The following ABHD12 variants were observed in gnomAD, a reference collection of about 807,000 sequenced individuals.
ABHD12 encodes the protein abhydrolase domain containing 12, lysophospholipase, also known as lysophosphatidylserine lipase ABHD12.
In ABHD12, 43 loss-of-function variants were observed where a neutral mutation model predicts 58.3. That is an observed-to-expected ratio of 0.74 (90% CI 0.58 to 0.95). ABHD12 has a LOEUF of 0.95. Ranked by LOEUF, ABHD12 falls within the 40% of genes least tolerant of loss-of-function variation. ABHD12 has a pLI of 0.00. For missense variants in ABHD12, 539 were observed against 537.2 expected (o/e 1.00, Z -0.03); for synonymous variants, 219 against 211.2 (o/e 1.04, Z -0.32).
downstream of ABHD12, among the ~76,000 whole-genome samples, chr20:25,298,167 G>A (rs556028033): frequency 5.9e-5 from 9 of 152,346 alleles, 1 homozygote; most frequent in South Asian, 4.2e-4. Context: ...AACTAGAGCC[G>A]GGGCTGAATT....
exon 13 of ABHD12, chr20:25,294,969 T>A: frequency 6.2e-7 from 1 of 1,614,202 alleles, no homozygotes; most frequent in Non-Finnish European, 8.5e-7. Context: ...CCTGTTGGCT[T>A]CAGTCACACC....
rs1260560082 is a variant in ABHD12 at position 25,390,490 on chromosome 20, CCCCGCT to C, written c.191+17_191+22del. 1.5e-6 allele frequency: 2 copies of C among 1,339,566 alleles called. No homozygotes were observed. The highest frequency in any genetic ancestry group is 3.0e-5 in the South Asian group (2 of 67,142). The allele number at this position is 1,339,566 out of a possible 1,614,324, so 83.0% of individuals were successfully genotyped here. On this transcript the variant is annotated intron_variant, in intron 1 of 12. Transcript: ENST00000339157. ...AGTGAGGGACCGGCCCCCCCCCCCC[CCCCGCT>C]CCGCGCGAAGCCTCACCTGCCCAGC...
Position 25,338,741 on chromosome 20 carries a change from G to A in ABHD12, c.316+486C>T, listed in dbSNP as rs937045007. 3 of 973,078 alleles carry A rather than the reference G, an allele frequency of 3.1e-6. No homozygotes were observed. The African/African-American group carries it at 5.3e-5, about 17-fold the overall frequency. 60.3% of individuals were successfully genotyped at this position (973,078 alleles called of 1,614,324 possible). The stretch of plus-strand genomic sequence containing the variant: ...CTAATTTGTTTTAAAAAAGAAAAAA[G>A]GCCTCATTTTTTTTTAAAGGTACTA... On this transcript the variant is annotated intron_variant, in intron 2 of 12. Coordinates refer to ENST00000339157, the MANE Select transcript of ABHD12 (RefSeq NM_001042472.3).
chr20:25,348,499 T>C (rs1362135697), intron 1 of ABHD12, among the ~76,000 whole-genome samples: 3 of 146,506 alleles, frequency 2.0e-5, no homozygotes. Context: ...CTTGAGCCTG[T>C]GGTCCCAGCT....
intron 11 of ABHD12, chr20:25,303,152 G>A (rs2088668692): frequency 1.0e-6 from 1 of 992,222 alleles, no homozygotes; most frequent in Non-Finnish European, 1.3e-6. Context: ...ATGGGCTTGG[G>A]AGATCCTCAT....
chr20:25,353,900 A>G (rs930562739), intron 1 of ABHD12, among the ~76,000 whole-genome samples: 9 of 152,080 alleles, frequency 5.9e-5, no homozygotes, highest in African/African-American at 2.2e-4. Context: ...CTGCGTGATC[A>G]CTAACGTGCC....
chr20:25,373,035 A>G (rs575256630), intron 1 of ABHD12, among the ~76,000 whole-genome samples: 2 of 152,328 alleles, frequency 1.3e-5, no homozygotes, highest in African/African-American at 2.4e-5. Context: ...AGGACTCAGT[A>G]CAGTATCATG....
At chr20:25,381,693 C>G (rs1184141838) in intron 1 of ABHD12, among the ~76,000 whole-genome samples, 2 of 150,616 alleles carry the variant, frequency 1.3e-5, no homozygotes, top group African/African-American at 4.9e-5. Context: ...AGCTGGAGTG[C>G]AGTGGTGCAA....
chr20:25,383,024 C>G (rs2090041021), intron 1 of ABHD12, among the ~76,000 whole-genome samples: 1 of 152,062 alleles, frequency 6.6e-6, no homozygotes, highest in Non-Finnish European at 1.5e-5. Context: ...GAGGGTGGAG[C>G]AAAAGGAAAA....
intron 12 of ABHD12, 114 bp from the exon 13 acceptor site, chr20:25,300,998 A>C: frequency 8.9e-7 from 1 of 1,123,022 alleles, no homozygotes; most frequent in Non-Finnish European, 1.3e-6. Flanking sequence ...GGAGGCAGCC[A>C]AGAGCCCCAT....
chr20:25,330,302 C>T lies in ABHD12; in HGVS notation c.317-6872G>A, dbSNP rs188875727. 3.1e-3 allele frequency among the ~76,000 whole-genome samples: 478 copies of T among 152,362 alleles called. 1 individual carries two copies. The highest frequency in any genetic ancestry group is 0.016 in the South Asian group (77 of 4,832). The stretch of plus-strand genomic sequence containing the variant: ...AGGAGATTATATCCCGCACATGGCT[C>T]GGAGGGTCCTACGCCCACGGAGTCT... On this transcript the variant is annotated intron_variant, in intron 2 of 12. Transcript: ENST00000339157.
chr20:25,328,639 T>C (rs1368429275), intron 2 of ABHD12, among the ~76,000 whole-genome samples: 1 of 152,210 alleles, frequency 6.6e-6, no homozygotes, highest in Non-Finnish European at 1.5e-5. Context: ...TTACAAGGAT[T>C]AGCAGCTAAT....
chr20:25,362,762 A>C (rs1280903063), intron 1 of ABHD12, among the ~76,000 whole-genome samples: 1 of 149,160 alleles, frequency 6.7e-6, no homozygotes, highest in Non-Finnish European at 1.5e-5. Context: ...ACAACTTCCA[A>C]CTCCCGGGTT....
downstream of ABHD12, chr20:25,296,365 T>C (rs1273876471): frequency 6.2e-7 from 1 of 1,613,912 alleles, no homozygotes; most frequent in African/African-American, 1.3e-5. Context: ...TCTCCTTCCC[T>C]GCAGAACCCC....
intron 2 of ABHD12, among the ~76,000 whole-genome samples, chr20:25,329,314 G>A (rs777988253): frequency 2.6e-5 from 4 of 152,202 alleles, no homozygotes; most frequent in East Asian, 1.9e-4. Flanking sequence ...GCTCCCTCTC[G>A]CAGGCTCTTC....
rs539853363 is a variant in ABHD12 at position 25,374,619 on chromosome 20, G to C, written c.191+15894C>G. Reference sequence around the variant, plus strand: ...AGTGATTCTCCTGCCTCAGCCTCCCGAGTAGCTGGGATTACAGGCATGTGC... The same window carrying C: ...AGTGATTCTCCTGCCTCAGCCTCCCCAGTAGCTGGGATTACAGGCATGTGC... On this transcript the variant is annotated intron_variant, in intron 1 of 12. Transcript: ENST00000339157. Among the ~76,000 whole-genome samples, 106 of 151,972 alleles carry C rather than the reference G, an allele frequency of 7.0e-4. 1 individual carries two copies. The highest frequency in any genetic ancestry group is 2.5e-3 in the African/African-American group (103 of 41,470).
downstream of ABHD12, chr20:25,296,999 C>G (rs2088557363): frequency 6.0e-6 from 1 of 166,570 alleles, no homozygotes; most frequent in African/African-American, 2.4e-5. Context: ...CCCCAGTCAT[C>G]CTGCCCAGCC....
In ABHD12 at chr20:25,337,539, G is replaced by A. The variant is rs139509426; in HGVS notation, c.316+1688C>T. Among the ~76,000 whole-genome samples, 361 of 152,336 alleles carry A rather than the reference G, an allele frequency of 2.4e-3. 1 individual carries two copies. The highest frequency in any genetic ancestry group is 8.5e-3 in the African/African-American group (354 of 41,572). ...CAGTAGCCCAAACAATCAAGCTAAA[G>A]AAAATCTATTCAATTCAAACATTTG... On this transcript the variant is annotated intron_variant, in intron 2 of 12. Transcript: ENST00000339157.
chr20:25,323,038 T>C (rs1204768348), intron 3 of ABHD12, among the ~76,000 whole-genome samples: 1 of 152,244 alleles, frequency 6.6e-6, no homozygotes, highest in Non-Finnish European at 1.5e-5. Flanking sequence ...ATCCTGTTTC[T>C]AGCTTCTTTG....
Sources: gnomAD v4.1 joint callset for allele counts (sites outside exome capture counted in the v4.1 genomes callset) on GRCh38, gnomAD v4.1.1 for gene constraint, MANE v1.5 for transcripts, NCBI Gene and HGNC (gene_info 2026-07-23, HGNC 2026-07-21) for gene names.